The following DCLK2 variants were observed in gnomAD, a reference collection of about 807,000 sequenced individuals.
The protein encoded by DCLK2 is doublecortin like kinase 2, also known as serine/threonine-protein kinase DCLK2.
Under a neutral mutation model 78.4 loss-of-function variants are expected in DCLK2, and 31 were observed. The observed-to-expected ratio is 0.40, with a 90% confidence interval of 0.30 to 0.53. The LOEUF is 0.53. DCLK2 is among the 20% of genes least tolerant of loss of function. The probability of loss-of-function intolerance (pLI) is 0.61; values close to 1 mark genes in which losing one functional copy is unlikely to be tolerated. For synonymous variants in DCLK2, 407 were observed against 374.9 expected, an observed-to-expected ratio of 1.09 and a Z score of -0.99; for missense variants, 872 against 973.7, an observed-to-expected ratio of 0.90 and a Z score of 1.39.
intron 1 of DCLK2, among the ~76,000 whole-genome samples, chr4:150,090,005 C>T (rs1007399988): frequency 1.3e-5 from 2 of 152,164 alleles, no homozygotes; most frequent in African/African-American, 4.8e-5. Context: ...TTGTTGATTC[C>T]TGGCATAGTT....
At chr4:150,243,163 A>T (rs1333260887) in intron 12 of DCLK2, among the ~76,000 whole-genome samples, 1 of 152,216 alleles carries the variant, frequency 6.6e-6, no homozygotes, top group Non-Finnish European at 1.5e-5. Context: ...GGATGCATTT[A>T]TCATGGATTG....
intron 4 of DCLK2, among the ~76,000 whole-genome samples, chr4:150,201,440 A>G (rs1224105013): frequency 6.6e-6 from 1 of 152,198 alleles, no homozygotes; most frequent in Non-Finnish European, 1.5e-5. Flanking sequence ...CTACTCATTC[A>G]AGCACATTGT....
intron 2 of DCLK2, among the ~76,000 whole-genome samples, chr4:150,171,771 A>G (rs79920483): frequency 0.12 from 17,624 of 152,156 alleles, 1,629 homozygotes; most frequent in South Asian, 0.44. Context: ...AAATAGTGTC[A>G]AATAGCATTA....
intron 3 of DCLK2, among the ~76,000 whole-genome samples, chr4:150,195,281 ATATATTATATTATATATTATATAT>A (rs1738840103): frequency 4.2e-4 from 2 of 4,794 alleles, no homozygotes; most frequent in Non-Finnish European, 1.1e-3. Flanking sequence ...ATATTATATT[ATATATTATATTATATATTATATAT>A]TATATTATAT....
chr4:150,234,941 G>A (rs1373240689), intron 10 of DCLK2, among the ~76,000 whole-genome samples: 1 of 152,184 alleles, frequency 6.6e-6, no homozygotes, highest in East Asian at 1.9e-4. Flanking sequence ...TTTGGCCCGG[G>A]CTTCGCAAAC....
intron 2 of DCLK2, among the ~76,000 whole-genome samples, chr4:150,153,335 C>T (rs1735023716): frequency 6.6e-6 from 1 of 152,062 alleles, no homozygotes. Context: ...ATCTGATAGC[C>T]CTGTCACTGG....
chr4:150,220,659 T>C (rs1741116772), intron 5 of DCLK2, 44 bp from the exon 6 acceptor site: 2 of 1,522,530 alleles, frequency 1.3e-6, no homozygotes, highest in Non-Finnish European at 1.8e-6. Flanking sequence ...TAGCTAGGGA[T>C]TTGTAAATTA....
chr4:150,221,046 A>G (rs990961925), intron 6 of DCLK2, among the ~76,000 whole-genome samples: 5 of 152,216 alleles, frequency 3.3e-5, no homozygotes, highest in African/African-American at 1.2e-4. Context: ...CACAACTTCT[A>G]AATATATTTC....
At chr4:150,205,915 T>G (rs1377795686) in intron 5 of DCLK2, among the ~76,000 whole-genome samples, 1 of 152,202 alleles carries the variant, frequency 6.6e-6, no homozygotes, top group Non-Finnish European at 1.5e-5. Context: ...ATCCTTAACC[T>G]AGGACCGCTT....
intron 2 of DCLK2, among the ~76,000 whole-genome samples, chr4:150,190,050 A>AAAAAAAAAAAAAAAAAAAAAAAAAAC (rs1738287264): frequency 7.0e-6 from 1 of 143,382 alleles, no homozygotes; most frequent in African/African-American, 2.5e-5. Context: ...AAAAAAAAAA[A>AAAAAAAAAAAAAAAAAAAAAAAAAAC]AGGCCAAGTG....
rs60421412 is a variant in DCLK2, at chr4:150,169,656, C to CAAAAA, written c.757-23469_757-23465dup. 1.9e-3 allele frequency among the ~76,000 whole-genome samples: 186 copies of CAAAAA among 98,098 alleles called. 5 individuals are homozygous for CAAAAA. Among genetic ancestry groups the CAAAAA allele is most frequent in the African/African-American group, 6.3e-3 (177 of 27,968 alleles). 64.4% of individuals were successfully genotyped at this position (98,098 alleles called of 152,430 possible). On this transcript the variant is annotated intron_variant, in intron 2 of 15. Transcript: ENST00000296550. ...GGGTGACAAGAGTGAAACTCCGTCT[C>CAAAAA]AAAAAAAAAAAAAAAAAGTGTGGTT...
chr4:150,179,986 G>C (rs1478263514), intron 2 of DCLK2, among the ~76,000 whole-genome samples: 1 of 152,072 alleles, frequency 6.6e-6, no homozygotes, highest in Non-Finnish European at 1.5e-5. Flanking sequence ...TTACATACTT[G>C]CCATTCATTT....
In DCLK2 at chr4:150,190,240, T is replaced by TAGATAGACAGATAGAC. The variant is rs773001173; in HGVS notation, c.757-2891_757-2890insCAGATAGACAGATAGA. ...ATAGATGGATAGATGGATAGTTAGATAGATAGATAGATAGATAGATAGATA... is the reference window on the plus strand; with the variant it reads ...ATAGATGGATAGATGGATAGTTAGATAGATAGACAGATAGACAGATAGATAGATAGATAGATAGATA... On this transcript the variant is annotated intron_variant, in intron 2 of 15. Transcript: ENST00000296550. Among the ~76,000 whole-genome samples, 3 of 35,688 alleles carry TAGATAGACAGATAGAC rather than the reference T, an allele frequency of 8.4e-5. No individual in the cohort carries two copies. In the Admixed American group the frequency reaches 1.0e-3, roughly 12 times the overall value. The allele number at this position is 35,688 out of a possible 152,430, so 23.4% of individuals were successfully genotyped here.
intron 2 of DCLK2, among the ~76,000 whole-genome samples, chr4:150,125,633 T>C (rs1732869602): frequency 6.6e-6 from 1 of 152,182 alleles, no homozygotes; most frequent in African/African-American, 2.4e-5. Context: ...CTCACTCTTG[T>C]AGTCCGAGCA....
intron 5 of DCLK2, among the ~76,000 whole-genome samples, chr4:150,211,174 G>GT (rs938399021): frequency 3.9e-5 from 6 of 152,134 alleles, no homozygotes; most frequent in African/African-American, 1.4e-4. Flanking sequence ...ATCCCCCTCT[G>GT]TAGTCACTCA....
intron 2 of DCLK2, among the ~76,000 whole-genome samples, chr4:150,119,050 A>AAT (rs1027259480): frequency 6.6e-6 from 1 of 150,612 alleles, no homozygotes; most frequent in Non-Finnish European, 1.5e-5. Context: ...ATAATATAAT[A>AAT]ATAATAATAA....
chr4:150,196,226 C>T (rs1739021688), intron 3 of DCLK2, among the ~76,000 whole-genome samples: 1 of 152,184 alleles, frequency 6.6e-6, no homozygotes, highest in Non-Finnish European at 1.5e-5. Context: ...TTAATCGATA[C>T]AGGATTGGTT....
chr4:150,150,584 A>T (rs1175265294), intron 2 of DCLK2, among the ~76,000 whole-genome samples: 3 of 152,218 alleles, frequency 2.0e-5, no homozygotes, highest in African/African-American at 7.2e-5. Flanking sequence ...TATTTTTTTA[A>T]AAATTCAGAG....
intron 8 of DCLK2, among the ~76,000 whole-genome samples, chr4:150,230,750 A>G (rs1741986900): frequency 1.3e-5 from 2 of 152,196 alleles, no homozygotes; most frequent in Admixed American, 6.6e-5. Context: ...CTGCTTCCCA[A>G]GGGAGGAAAC....
Sources: gnomAD v4.1 joint callset for allele counts (sites outside exome capture counted in the v4.1 genomes callset) on GRCh38, gnomAD v4.1.1 for gene constraint, MANE v1.5 for transcripts, NCBI Gene and HGNC (gene_info 2026-07-23, HGNC 2026-07-21) for gene names.